CASP9: variants seen among roughly 807,000 people sequenced by gnomAD.
The protein encoded by CASP9 is caspase-9.
A neutral mutation model predicts 43.5 loss-of-function variants in CASP9; 29 were observed. The observed-to-expected ratio is 0.67, with a 90% CI of 0.50 to 0.91. The LOEUF (loss-of-function observed/expected upper bound fraction) is 0.91. Among genes scored for constraint, CASP9 ranks in the 40% least tolerant of loss-of-function variants. The probability of loss-of-function intolerance (pLI) is 0.00; values close to 1 mark genes in which losing one functional copy is unlikely to be tolerated. For missense variants in CASP9, 575 were observed against 537.4 expected (o/e 1.07, Z -0.69); for synonymous variants, 206 against 211.9 (o/e 0.97, Z 0.24).
At chr1:15,516,425 G>A (rs1041722599) in intron 2 of CASP9, among the ~76,000 whole-genome samples, 2 of 151,434 alleles carry the variant, frequency 1.3e-5, no homozygotes, top group Non-Finnish European at 2.9e-5. Flanking sequence ...AGGATGCAGT[G>A]AGCCGTGATC....
At chr1:15,524,313 C>T (rs1158810180), upstream of CASP9, 4 of 1,459,942 alleles carry the variant, frequency 2.7e-6, no homozygotes, top group Non-Finnish European at 3.6e-6. Flanking sequence ...GCGTCACGGC[C>T]CCGGGTCAGT....
intron 1 of CASP9, among the ~76,000 whole-genome samples, chr1:15,518,762 T>C (rs1386222033): frequency 1.3e-5 from 2 of 152,176 alleles, no homozygotes; most frequent in Non-Finnish European, 2.9e-5. Flanking sequence ...TTCAGAGTCT[T>C]ATGAGGTGGG....
chr1:15,512,128 A>C (rs557469774), intron 2 of CASP9, among the ~76,000 whole-genome samples: 1 of 152,328 alleles, frequency 6.6e-6, no homozygotes, highest in South Asian at 2.1e-4. Flanking sequence ...CCAGCCCCAG[A>C]GCAAAGAGAC....
chr1:15,498,742 CTTTTTTTTTTTTT>C (rs1218849159), intron 6 of CASP9, among the ~76,000 whole-genome samples: 1 of 83,494 alleles, frequency 1.2e-5, no homozygotes, highest in African/African-American at 5.2e-5. Context: ...TGAAAGTGAT[CTTTTTTTTTTTTT>C]TTTTTTTTTT....
In CASP9 at chr1:15,522,841, T is replaced by A. The variant is rs182654871; in HGVS notation, c.132+1228A>T. On this transcript the variant is annotated intron_variant, in intron 1 of 8. Coordinates refer to ENST00000333868, the MANE Select transcript of CASP9 (RefSeq NM_001229.5). Reference sequence around the variant, plus strand: ...ATTGGTCCTCCATGGGCATTTGAGTTTGTGATCCCCGTGAACATTCCTGAA... The same window carrying A: ...ATTGGTCCTCCATGGGCATTTGAGTATGTGATCCCCGTGAACATTCCTGAA... 9.7e-4 allele frequency among the ~76,000 whole-genome samples: 148 copies of A among 152,376 alleles called. 1 individual carries two copies. Among genetic ancestry groups the A allele is most frequent in the African/African-American group, 3.5e-3 (146 of 41,592 alleles).
intron 2 of CASP9, among the ~76,000 whole-genome samples, chr1:15,512,588 G>A (rs1709795401): frequency 6.6e-6 from 1 of 152,112 alleles, no homozygotes; most frequent in Admixed American, 6.5e-5. Context: ...TCTCCAACTT[G>A]CAGATGGCAG....
intron 5 of CASP9, among the ~76,000 whole-genome samples, chr1:15,505,115 C>T (rs1454862075): frequency 1.3e-5 from 2 of 152,190 alleles, no homozygotes; most frequent in Non-Finnish European, 2.9e-5. Context: ...ACCTCCTAAT[C>T]AGCAGTATGG....
chr1:15,502,258 G>A (rs752313724), intron 6 of CASP9, among the ~76,000 whole-genome samples: 1 of 152,122 alleles, frequency 6.6e-6, no homozygotes, highest in African/African-American at 2.4e-5. Context: ...AGCTAACCCT[G>A]ACTTTGGCCA....
chr1:15,499,031 CT>C (rs535343840), intron 6 of CASP9, among the ~76,000 whole-genome samples: 208 of 152,330 alleles, frequency 1.4e-3, no homozygotes, highest in African/African-American at 4.6e-3. Flanking sequence ...GCCACCGCCC[CT>C]GGCCAATGAT....
chr1:15,523,368 G>A (rs984576785), intron 1 of CASP9, among the ~76,000 whole-genome samples: 7 of 150,446 alleles, frequency 4.7e-5, no homozygotes, highest in Non-Finnish European at 1.0e-4. Flanking sequence ...AAGAGGGTAA[G>A]TGACTGGCCC....
At position 15,492,835 on chromosome 1, in the gene CASP9, C is replaced by T. The variant is rs576515312; in HGVS notation, c.*108G>A. On this transcript the variant is annotated 3_prime_UTR_variant, in exon 9 of 9. Coordinates refer to ENST00000333868, the MANE Select transcript of CASP9 (RefSeq NM_001229.5). ...GGCAGAGAAAGAGCAGACCCTGTGC[C>T]GGCTGCAAAGTCCTTGAGTTGCAGG... 2.2e-5 allele frequency: 32 copies of T among 1,461,412 alleles called. No homozygotes were observed. Among genetic ancestry groups the T allele is most frequent in the African/African-American group, 2.8e-5 (2 of 70,890 alleles). 90.5% of individuals were successfully genotyped at this position (1,461,412 alleles called of 1,614,324 possible).
In CASP9 at chr1:15,518,749, G is replaced by A. The variant is rs548630353; in HGVS notation, c.133-354C>T. On this transcript the variant is annotated intron_variant, in intron 1 of 8. Transcript: ENST00000333868. ...CTGAGGATATCATGAAGTGAATAGC[G>A]AATTCAGAGTCTTATGAGGTGGGAG... is the stretch of plus-strand genomic sequence containing the variant. 7.2e-5 allele frequency among the ~76,000 whole-genome samples: 11 copies of A among 152,370 alleles called. No individual in the cohort carries two copies. In the South Asian group the frequency reaches 1.7e-3, roughly 23 times the overall value.
chr1:15,497,172 G>T (rs779450348), intron 6 of CASP9, among the ~76,000 whole-genome samples: 38 of 151,674 alleles, frequency 2.5e-4, no homozygotes, highest in Non-Finnish European at 5.1e-4. Context: ...TTACCCAGGC[G>T]TGGTGGTGGG....
At chr1:15,512,854 C>T (rs1004903579) in intron 2 of CASP9, among the ~76,000 whole-genome samples, 3 of 152,056 alleles carry the variant, frequency 2.0e-5, no homozygotes, top group East Asian at 3.9e-4. Context: ...TCCATCACTG[C>T]CTCATAAAGG....
In CASP9 at chr1:15,515,025, T is replaced by TA. The variant is rs1464672294; in HGVS notation, c.418+3084dup. ...ATCTCAAAAAATAATAATAATAAAG[T>TA]AAAAAAAATTAAGTGATCTTACTAT... On this transcript the variant is annotated intron_variant, in intron 2 of 8. Transcript: ENST00000333868. 3.3e-5 allele frequency among the ~76,000 whole-genome samples: 5 copies of TA among 151,806 alleles called. No individual in the cohort carries two copies. In the East Asian group the frequency reaches 9.7e-4, roughly 29 times the overall value.
In CASP9 at chr1:15,518,335, G is replaced by C. The variant is rs771183801; in HGVS notation, c.193C>G (p.Arg65Gly). ...AACAAAGGAAGAGCCTGACTCCCTC[G>C]AGTCTCCAGATCTATGATCAGCTGC... Reference protein sequence around the residue: ...ARQLIIDLETRGSQALPLFIS... With the variant: ...ARQLIIDLETGGSQALPLFIS... Residue 65 changes from arginine to glycine, a missense_variant, in exon 2 of 9, where the codon CGA (arginine) becomes GGA (glycine). Coordinates refer to ENST00000333868, the MANE Select transcript of CASP9 (RefSeq NM_001229.5). 2.5e-5 allele frequency: 40 copies of C among 1,613,942 alleles called. No individual in the cohort carries two copies. Among genetic ancestry groups the C allele is most frequent in the Non-Finnish European group, 3.0e-5 (35 of 1,180,036 alleles).
rs578065037 is a variant in CASP9, at chr1:15,507,978, G to A, written c.419-71C>T. On this transcript the variant is annotated intron_variant, in intron 2 of 8. Coordinates refer to ENST00000333868, the MANE Select transcript of CASP9 (RefSeq NM_001229.5). ...AGAGGAGGGGCAAGGGGCTCTGTGA[G>A]GACAGCCCCCCAAGAACGGAGCAGC... 4.0e-6 allele frequency: 6 copies of A among 1,501,482 alleles called. No individual in the cohort carries two copies. The East Asian group carries it at 1.4e-4, about 34-fold the overall frequency. 93.0% of individuals were successfully genotyped at this position (1,501,482 alleles called of 1,614,324 possible). A position where few individuals can be genotyped will look rare whatever the true frequency, so the allele number is the denominator to read the frequency against.
intron 2 of CASP9, among the ~76,000 whole-genome samples, chr1:15,513,650 G>C (rs1709848029): frequency 6.6e-6 from 1 of 152,062 alleles, no homozygotes; most frequent in Non-Finnish European, 1.5e-5. Flanking sequence ...GCAAGGACTG[G>C]GCATCCTTGT....
In CASP9 at chr1:15,491,603, C is replaced by T. The variant is rs929810311; in HGVS notation, c.*1340G>A. 43 of 356,382 alleles carry T rather than the reference C, an allele frequency of 1.2e-4. No individual in the cohort carries two copies. Among genetic ancestry groups the T allele is most frequent in the Admixed American group, 1.9e-4 (5 of 25,962 alleles). The allele number at this position is 356,382 out of a possible 1,614,324, so 22.1% of individuals were successfully genotyped here. A position where few individuals can be genotyped will look rare whatever the true frequency, so the allele number is the denominator to read the frequency against. On this transcript the variant is annotated 3_prime_UTR_variant, in exon 9 of 9. Coordinates refer to ENST00000333868, the MANE Select transcript of CASP9 (RefSeq NM_001229.5). ...CATAACTCTGTCTCTACTAAAAATA[C>T]AAAAATTAACTGGGAGAGGTGGTGC...
Sources: allele counts gnomAD v4.1 joint callset (sites outside exome capture counted in the v4.1 genomes callset), GRCh38; gene constraint gnomAD v4.1.1; transcripts MANE v1.5; gene names NCBI Gene and HGNC (gene_info 2026-07-23, HGNC 2026-07-21).